SLC1A7: variants seen among roughly 807,000 people sequenced by gnomAD.
SLC1A7 encodes the protein excitatory amino acid transporter 5.
A neutral mutation model predicts 47.7 loss-of-function variants in SLC1A7; 40 were observed. The observed-to-expected ratio is 0.84, with a 90% CI of 0.65 to 1.09. The LOEUF (loss-of-function observed/expected upper bound fraction) is 1.09. SLC1A7 is among the 50% of genes least tolerant of loss of function. The probability of loss-of-function intolerance (pLI) is 0.00; values close to 1 mark genes in which losing one functional copy is unlikely to be tolerated. For synonymous variants in SLC1A7, 323 were observed against 325.6 expected (o/e 0.99, Z 0.09); for missense variants, 746 against 769.5 (o/e 0.97, Z 0.36).
At chr1:53,124,770 C>G (rs1245777783) in intron 2 of SLC1A7, among the ~76,000 whole-genome samples, 1 of 152,232 alleles carries the variant, frequency 6.6e-6, no homozygotes. Flanking sequence ...ACCACAGTCC[C>G]GAGGCAGGGC....
chr1:53,137,116 A>G (rs12741022), intron 1 of SLC1A7, among the ~76,000 whole-genome samples: 52,368 of 151,574 alleles, frequency 0.35, 9,282 homozygotes, highest in Admixed American at 0.44. Context: ...GCAAAACCCC[A>G]TCTCTACTAA....
In SLC1A7 at chr1:53,142,419, TC is replaced by T; in HGVS notation, c.30del (p.Arg11GlyfsTer27). 1 of 1,612,050 alleles carries T rather than the reference TC, an allele frequency of 6.2e-7. No homozygotes were observed. The highest frequency in any genetic ancestry group is 1.3e-5 in the African/African-American group (1 of 74,906). On this transcript the variant is annotated frameshift_variant, in exon 1 of 11. Transcript: ENST00000371494. LOFTEE classifies it high-confidence loss of function. ...AGTCCATTCCGCCTGCACACGTCCCTCCCCCGTGCCAAGATGGCATGCGGCA... is the reference window on the plus strand; with the variant it reads ...AGTCCATTCCGCCTGCACACGTCCCTCCCCGTGCCAAGATGGCATGCGGCA... Reference protein sequence around the residue: MVPHAILARGRDVCRRNGLL... With the variant: MVPHAILARXRDVCRRNGLL...
chr1:53,114,660 T>C (rs1644736136), intron 3 of SLC1A7, 98 bp downstream of exon 3: 1 of 997,590 alleles, frequency 1.0e-6, no homozygotes, highest in Admixed American at 2.0e-5. Flanking sequence ...GACTCCGTGA[T>C]CACCCCCATC....
intron 8 of SLC1A7, 25 bp from the exon 9 acceptor site, chr1:53,089,959 G>A (rs1392567190): frequency 1.2e-6 from 2 of 1,611,728 alleles, no homozygotes; most frequent in Non-Finnish European, 1.7e-6. Context: ...AAGGGGAAGA[G>A]GAGCAGCAGG....
At position 53,128,740 on chromosome 1, in the gene SLC1A7, G is replaced by C. The variant is rs555060879; in HGVS notation, c.215+5610C>G. ...GCTTTCCAGGGCAGGGGACAGGTGA[G>C]CTGCAGGTGCTAATTAGAACCATGA... On this transcript the variant is annotated intron_variant, in intron 2 of 10. Coordinates refer to ENST00000371494, the MANE Select transcript of SLC1A7 (RefSeq NM_006671.6). Among the ~76,000 whole-genome samples the C allele has an allele frequency of 1.4e-5, 2 of 142,442 alleles. 1 individual carries two copies. The highest frequency in any genetic ancestry group is 3.1e-5 in the Non-Finnish European group (2 of 64,406). The allele number at this position is 142,442 out of a possible 152,430, so 93.4% of individuals were successfully genotyped here.
At chr1:53,090,859 G>T in intron 7 of SLC1A7, 53 bp from the exon 8 acceptor site, 1 of 1,561,206 alleles carries the variant, frequency 6.4e-7, no homozygotes, top group Non-Finnish European at 8.7e-7. Flanking sequence ...GGATGGCTGG[G>T]GCCTCTGTCG....
intron 2 of SLC1A7, among the ~76,000 whole-genome samples, chr1:53,132,337 G>A (rs1572348108): frequency 6.6e-6 from 1 of 152,284 alleles, no homozygotes; most frequent in East Asian, 1.9e-4. Context: ...TGAGAAGAGA[G>A]TGCCCGGGCC....
chr1:53,113,534 C>T (rs1644721771), intron 3 of SLC1A7, among the ~76,000 whole-genome samples: 1 of 152,068 alleles, frequency 6.6e-6, no homozygotes, highest in Non-Finnish European at 1.5e-5. Flanking sequence ...TCACCTCCTA[C>T]TCACCCACCT....
At chr1:53,126,527 G>A (rs918503038) in intron 2 of SLC1A7, among the ~76,000 whole-genome samples, 5 of 152,188 alleles carry the variant, frequency 3.3e-5, no homozygotes, top group African/African-American at 1.2e-4. Flanking sequence ...TCACCAGTGG[G>A]TTCCCTGCAT....
chr1:53,097,685 A>G (rs1644513883), intron 5 of SLC1A7, among the ~76,000 whole-genome samples: 2 of 143,268 alleles, frequency 1.4e-5, no homozygotes, highest in South Asian at 2.3e-4. Context: ...GCTCTGCCTC[A>G]GTACACTCAT....
At chr1:53,126,596 T>C (rs551675269) in intron 2 of SLC1A7, among the ~76,000 whole-genome samples, 50 of 152,314 alleles carry the variant, frequency 3.3e-4, no homozygotes, top group African/African-American at 1.2e-3. Context: ...TGCTGGCAAG[T>C]GTCTTGATCT....
chr1:53,136,192 A>T (rs1233767270), intron 1 of SLC1A7, among the ~76,000 whole-genome samples: 2 of 146,536 alleles, frequency 1.4e-5, no homozygotes, highest in South Asian at 2.1e-4. Context: ...ATTATATATT[A>T]TATATATATA....
At position 53,141,320 on chromosome 1, in the gene SLC1A7, C is replaced by T. The variant is rs927578756; in HGVS notation, c.135+995G>A. On this transcript the variant is annotated intron_variant, in intron 1 of 10. Coordinates refer to ENST00000371494, the MANE Select transcript of SLC1A7 (RefSeq NM_006671.6). ...TGTAGTCATTTTCTGTCCCCGACCC[C>T]CTCCCTCTGCTCGCTGGCTATAAAT... Among the ~76,000 whole-genome samples the T allele has an allele frequency of 2.6e-5, 4 of 152,012 alleles. No homozygotes were observed. The East Asian group carries it at 7.8e-4, about 29-fold the overall frequency.
At chr1:53,111,532 A>G (rs1216548170) in intron 3 of SLC1A7, among the ~76,000 whole-genome samples, 2 of 152,214 alleles carry the variant, frequency 1.3e-5, no homozygotes, top group South Asian at 2.1e-4. Flanking sequence ...CGGGAGTGGC[A>G]GGGGAGGTGG....
At chr1:53,092,515 C>T (rs776588366) in intron 7 of SLC1A7, 39 bp downstream of exon 7, 1 of 1,475,986 alleles carries the variant, frequency 6.8e-7, no homozygotes. Flanking sequence ...GGCTCAGCCC[C>T]TCCCAGCTCC....
chr1:53,090,578 G>C (rs552623316), intron 8 of SLC1A7, 34 bp downstream of exon 8: 4 of 1,526,634 alleles, frequency 2.6e-6, no homozygotes, highest in Non-Finnish European at 3.5e-6. Context: ...CCCAGCCCCC[G>C]CCCCATCCAC....
At chr1:53,093,399 C>T in intron 6 of SLC1A7, 62 bp downstream of exon 6, 2 of 1,314,314 alleles carry the variant, frequency 1.5e-6, no homozygotes, top group Admixed American at 1.9e-5. Context: ...AGGGTGGGGT[C>T]TTGTCTTCCC....
At chr1:53,104,485 G>A (rs1464161729) in intron 4 of SLC1A7, among the ~76,000 whole-genome samples, 4 of 152,222 alleles carry the variant, frequency 2.6e-5, no homozygotes, top group African/African-American at 7.2e-5. Context: ...CATTTGACTT[G>A]AGTCCTGAAG....
chr1:53,108,332 C>A, intron 3 of SLC1A7: 1 of 510,134 alleles, frequency 2.0e-6, no homozygotes, highest in Non-Finnish European at 3.5e-6. Flanking sequence ...CCAAATGGAA[C>A]TTATACCTAT....
Sources: gnomAD v4.1 joint callset for allele counts (sites outside exome capture counted in the v4.1 genomes callset) on GRCh38, gnomAD v4.1.1 for gene constraint, MANE v1.5 for transcripts, NCBI Gene and HGNC (gene_info 2026-07-23, HGNC 2026-07-21) for gene names.